Variants in IDE observed in about 807,000 individuals in gnomAD.
IDE encodes insulin-degrading enzyme.
A neutral mutation model predicts 133.2 loss-of-function variants in IDE; 58 were observed. The observed-to-expected ratio is 0.44, with a 90% CI of 0.35 to 0.54. The LOEUF is 0.54. IDE is among the 20% of genes least tolerant of loss of function. IDE has a pLI of 0.00. For synonymous variants in IDE, 396 were observed against 421.3 expected, an observed-to-expected ratio of 0.94 and a Z score of 0.73; for missense variants, 981 against 1,234.0, an observed-to-expected ratio of 0.79 and a Z score of 3.07.
chr10:92,546,861 G>T (rs1354078437), intron 1 of IDE, among the ~76,000 whole-genome samples: 1 of 152,102 alleles, frequency 6.6e-6, no homozygotes, highest in Admixed American at 6.5e-5. Context: ...ATTAAACTTT[G>T]AATAAATTCT....
At chr10:92,516,171 C>A (rs1036020967) in intron 4 of IDE, among the ~76,000 whole-genome samples, 12 of 144,884 alleles carry the variant, frequency 8.3e-5, no homozygotes, top group Middle Eastern at 4.0e-3. Context: ...GGCAACAAGA[C>A]GGAAACTCCG....
chr10:92,525,227 TG>T (rs1234083009), intron 4 of IDE, among the ~76,000 whole-genome samples: 1 of 152,236 alleles, frequency 6.6e-6, no homozygotes. Flanking sequence ...CCCTCCAGCC[TG>T]GGCAACAGAG....
chr10:92,564,985 C>T (rs1474697517), intron 1 of IDE, among the ~76,000 whole-genome samples: 1 of 151,862 alleles, frequency 6.6e-6, no homozygotes, highest in Admixed American at 6.6e-5. Flanking sequence ...CTGGCTCATG[C>T]CTGTAATCCC....
rs746254271 is a variant in IDE, at chr10:92,455,588, T to G, written c.2952A>C (p.Pro984=). The part of the protein sequence containing the change: ...CQNDINLSQA[P]ALPQPEVIQN... ...TTATATTTCTTACTTGTGGCAAGGC[T>G]GGTGCTTGTGACAAATTTATGTCAT... Residue 984 remains proline (P), a synonymous_variant, in exon 24 of 25, where the codon CCA becomes CCC. Transcript: ENST00000265986. 4.4e-6 allele frequency: 7 copies of G among 1,588,288 alleles called. No individual in the cohort carries two copies. The South Asian group carries it at 5.5e-5, about 13-fold the overall frequency.
chr10:92,501,395 G>A (rs566097409), intron 11 of IDE, among the ~76,000 whole-genome samples: 24 of 131,796 alleles, frequency 1.8e-4, no homozygotes, highest in Admixed American at 8.9e-4. Flanking sequence ...AAAAAAAGCC[G>A]GTGCATTGGC....
At chr10:92,537,043 A>G (rs546791202) in intron 2 of IDE, among the ~76,000 whole-genome samples, 27 of 152,218 alleles carry the variant, frequency 1.8e-4, no homozygotes, top group East Asian at 1.7e-3. Flanking sequence ...CTCAAAAAAA[A>G]AAAAAGAAAA....
Position 92,454,485 on chromosome 10 carries a change from G to A in IDE, c.3019C>T (p.Leu1007Phe). The stretch of plus-strand genomic sequence containing the variant: ...ATGAAGTTAATATGTGGTTTCACAA[G>A]GGGAAACAGTGGCAGACCACGCTTG... ...EFKRGLPLFP[L>F]VKPHINFMAA... Residue 1007 changes from leucine to phenylalanine, a missense_variant, in exon 25 of 25, where the codon CTT (leucine) becomes TTT (phenylalanine). Physicochemically the swap from Leu to Phe is conservative, Grantham distance 22. Coordinates refer to ENST00000265986, the MANE Select transcript of IDE (RefSeq NM_004969.4). The A allele has an allele frequency of 6.2e-7, 1 of 1,613,788 alleles. No individual in the cohort carries two copies. The highest frequency in any genetic ancestry group is 2.2e-5 in the East Asian group (1 of 44,886).
intron 1 of IDE, among the ~76,000 whole-genome samples, chr10:92,562,219 C>A (rs946288215): frequency 6.6e-5 from 10 of 152,164 alleles, no homozygotes; most frequent in Non-Finnish European, 1.0e-4. Flanking sequence ...CACATCCCAG[C>A]CTACTGGTCT....
At chr10:92,511,188 GC>G (rs759449979) in intron 5 of IDE, among the ~76,000 whole-genome samples, 2 of 147,076 alleles carry the variant, frequency 1.4e-5, no homozygotes, top group Non-Finnish European at 3.0e-5. Flanking sequence ...TGCAACCTCT[GC>G]CTCCCAGGTT....
At chr10:92,536,593 G>T (rs1361409539) in intron 2 of IDE, among the ~76,000 whole-genome samples, 1 of 151,636 alleles carries the variant, frequency 6.6e-6, no homozygotes, top group African/African-American at 2.4e-5. Context: ...AGCTACTTGG[G>T]AGGCTGAGGT....
At chr10:92,467,604 T>G (rs1845759326) in intron 19 of IDE, among the ~76,000 whole-genome samples, 1 of 151,902 alleles carries the variant, frequency 6.6e-6, no homozygotes, top group Non-Finnish European at 1.5e-5. Flanking sequence ...GGAAGTAGAG[T>G]CAAAAGAAGT....
At chr10:92,486,699 C>G (rs926531629) in intron 13 of IDE, among the ~76,000 whole-genome samples, 9 of 152,040 alleles carry the variant, frequency 5.9e-5, no homozygotes, top group Non-Finnish European at 1.0e-4. Flanking sequence ...GGGAGGGAAC[C>G]CTACTTCTCA....
intron 24 of IDE, 37 bp from the exon 25 acceptor site, chr10:92,454,576 C>T (rs1161994194): frequency 6.8e-7 from 1 of 1,462,660 alleles, no homozygotes; most frequent in Admixed American, 1.7e-5. Context: ...TGTATTTAAC[C>T]TAAACATCAG....
intron 11 of IDE, among the ~76,000 whole-genome samples, chr10:92,504,186 ATTC>A (rs1308370574): frequency 6.6e-6 from 1 of 152,214 alleles, no homozygotes. Context: ...ATTCAATTAT[ATTC>A]CCTCTATCAT....
chr10:92,552,857 CAAAAAA>C (rs71028827), intron 1 of IDE, among the ~76,000 whole-genome samples: 7 of 49,380 alleles, frequency 1.4e-4, no homozygotes, highest in African/African-American at 4.3e-4. Flanking sequence ...GACTCAGTCT[CAAAAAA>C]AAAAAAAAAA....
At position 92,548,992 on chromosome 10, in the gene IDE, C is replaced by T. The variant is rs1842659261; in HGVS notation, c.99-11442G>A. On this transcript the variant is annotated intron_variant, in intron 1 of 24. Transcript: ENST00000265986. ...CTCCCACAAGAAAGAATTATATGAT[C>T]CACACCTGTAATCCCAGCACTTTGG... Among the ~76,000 whole-genome samples, 2 of 152,032 alleles carry T rather than the reference C, an allele frequency of 1.3e-5. 1 individual carries two copies. Among genetic ancestry groups the T allele is most frequent in the South Asian group, 4.2e-4 (2 of 4,818 alleles).
rs71028821 is a variant in IDE, at chr10:92,458,490, G to GTT, written c.2824-2061_2824-2060dup. ...AGGCCTGGTTATAAATACTCTCTCT[G>GTT]TTTTTTTTTTTTTTTTTTTTTTTTT... On this transcript the variant is annotated intron_variant, in intron 22 of 24. Coordinates refer to ENST00000265986, the MANE Select transcript of IDE (RefSeq NM_004969.4). Among the ~76,000 whole-genome samples the GTT allele has an allele frequency of 2.4e-3, 199 of 83,880 alleles. 21 individuals carry two copies. Among genetic ancestry groups the GTT allele is most frequent in the African/African-American group, 5.8e-3 (105 of 17,960 alleles). The allele number at this position is 83,880 out of a possible 152,430, so 55.0% of individuals were successfully genotyped here.
At chr10:92,483,149 TA>T in intron 14 of IDE, 105 bp downstream of exon 14, 1 of 628,416 alleles carries the variant, frequency 1.6e-6, no homozygotes, top group South Asian at 2.0e-5. Flanking sequence ...GAAATAACTC[TA>T]ATTCCTTTTA....
rs569705953 is a variant in IDE at position 92,555,124 on chromosome 10, G to C, written c.99-17574C>G. Among the ~76,000 whole-genome samples the C allele has an allele frequency of 2.6e-5, 4 of 152,280 alleles. No homozygotes were observed. The East Asian group carries it at 5.8e-4, about 22-fold the overall frequency. On this transcript the variant is annotated intron_variant, in intron 1 of 24. Transcript: ENST00000265986. The stretch of plus-strand genomic sequence containing the variant: ...GCCTTTCCTCTATAATCAGGAACAA[G>C]CATGACAAGGATGCCCACTCTCATT...
Sources: gnomAD v4.1 joint callset for allele counts (sites outside exome capture counted in the v4.1 genomes callset) on GRCh38, gnomAD v4.1.1 for gene constraint, MANE v1.5 for transcripts, NCBI Gene and HGNC (gene_info 2026-07-23, HGNC 2026-07-21) for gene names.